KCNN2: variants seen among roughly 807,000 people sequenced by gnomAD.
KCNN2 encodes the protein small conductance calcium-activated potassium channel protein 2.
A neutral mutation model predicts 55.5 loss-of-function variants in KCNN2; 24 were observed. The observed-to-expected ratio is 0.43, with a 90% CI of 0.31 to 0.61. KCNN2 has a LOEUF of 0.61. Ranked by LOEUF, KCNN2 falls within the 20% of genes least tolerant of loss-of-function variation. The pLI, the probability that KCNN2 is intolerant of heterozygous loss-of-function variation, is 0.08. For missense variants in KCNN2, 754 were observed against 853.6 expected, an observed-to-expected ratio of 0.88 and a Z score of 1.45; for synonymous variants, 431 against 336.1, an observed-to-expected ratio of 1.28 and a Z score of -3.09.
intron 3 of KCNN2, among the ~76,000 whole-genome samples, chr5:114,405,749 C>T (rs1320575293): frequency 4.7e-5 from 7 of 150,170 alleles, no homozygotes; most frequent in South Asian, 4.2e-4. Context: ...CTCGCTCTGT[C>T]GCCCAGGCTA....
At chr5:114,119,435 G>T (rs1751782952) in intron 1 of KCNN2, among the ~76,000 whole-genome samples, 1 of 152,164 alleles carries the variant, frequency 6.6e-6, no homozygotes, top group South Asian at 2.1e-4. Flanking sequence ...TCAAATTAAA[G>T]AACATGAATT....
At chr5:114,410,243 C>T (rs2150074227) in intron 3 of KCNN2, among the ~76,000 whole-genome samples, 1 of 152,252 alleles carries the variant, frequency 6.6e-6, no homozygotes, top group Admixed American at 6.5e-5. Context: ...CTGACTTGTA[C>T]CTTTTGAGAC....
Position 114,372,614 on chromosome 5 carries a change from A to G in KCNN2, c.1218+8613A>G, listed in dbSNP as rs570418551. On this transcript the variant is annotated intron_variant, in intron 2 of 7. Transcript: ENST00000673685. ...TTCCCTTCAGATTATAAAATTAATA[A>G]CTATTCATGTTAGAAAATTTGTGAA... Among the ~76,000 whole-genome samples, 6 of 152,244 alleles carry G rather than the reference A, an allele frequency of 3.9e-5. No homozygotes were observed. The South Asian group carries it at 1.2e-3, about 32-fold the overall frequency.
chr5:114,352,714 G>T (rs189955544), intron 2 of KCNN2, among the ~76,000 whole-genome samples: 1 of 151,576 alleles, frequency 6.6e-6, no homozygotes, highest in South Asian at 2.1e-4. Flanking sequence ...TAATATTTAC[G>T]TATTTCTGAA....
intron 1 of KCNN2, among the ~76,000 whole-genome samples, chr5:114,077,946 T>G (rs1750718483): frequency 6.6e-6 from 1 of 152,140 alleles, no homozygotes; most frequent in Non-Finnish European, 1.5e-5. Context: ...TTGTCTTAGG[T>G]GTATTTTTGA....
At chr5:114,209,165 TC>T (rs1386823652) in intron 1 of KCNN2, among the ~76,000 whole-genome samples, 2 of 151,590 alleles carry the variant, frequency 1.3e-5, no homozygotes, top group Non-Finnish European at 2.9e-5. Flanking sequence ...CAAGGGATCC[TC>T]CCGCCTCAGC....
intron 2 of KCNN2, among the ~76,000 whole-genome samples, chr5:114,390,988 C>T (rs765143622): frequency 6.6e-5 from 10 of 152,074 alleles, no homozygotes; most frequent in Admixed American, 1.3e-4. Flanking sequence ...ATTTATTATA[C>T]GTAACCTTAA....
intron 2 of KCNN2, among the ~76,000 whole-genome samples, chr5:114,248,950 T>C (rs1561540119): frequency 6.6e-6 from 1 of 152,186 alleles, no homozygotes; most frequent in Non-Finnish European, 1.5e-5. Flanking sequence ...AATTATGCCA[T>C]GACAGCAGGT....
At chr5:114,229,671 A>C (rs1321074371) in intron 2 of KCNN2, among the ~76,000 whole-genome samples, 1 of 152,084 alleles carries the variant, frequency 6.6e-6, no homozygotes, top group Admixed American at 6.6e-5. Context: ...ACATATTAAA[A>C]TTTACGTACA....
intron 3 of KCNN2, among the ~76,000 whole-genome samples, chr5:114,432,935 C>T (rs1291955534): frequency 6.6e-6 from 1 of 152,214 alleles, no homozygotes; most frequent in African/African-American, 2.4e-5. Context: ...TGGCTGGGGA[C>T]CTGCAGCCCG....
chr5:114,145,385 C>T (rs1202880380), intron 1 of KCNN2, among the ~76,000 whole-genome samples: 1 of 152,130 alleles, frequency 6.6e-6, no homozygotes, highest in East Asian at 1.9e-4. Flanking sequence ...TGAGAGGACA[C>T]ACAGGTCCTA....
Position 114,449,902 on chromosome 5 carries a change from A to G in KCNN2, c.1638-13147A>G, listed in dbSNP as rs1403380487. Among the ~76,000 whole-genome samples, 109 of 80,516 alleles carry G rather than the reference A, an allele frequency of 1.4e-3. 1 individual carries two copies. Among genetic ancestry groups the G allele is most frequent in the African/African-American group, 3.8e-3 (98 of 26,060 alleles). 52.8% of individuals were successfully genotyped at this position (80,516 alleles called of 152,430 possible). On this transcript the variant is annotated intron_variant, in intron 3 of 7. Transcript: ENST00000673685. ...CATACACACACACACACACACACAC[A>G]CACACACGCGCGCGCTCGCGTGCGC...
At chr5:114,460,461 C>T (rs905700856) in intron 3 of KCNN2, among the ~76,000 whole-genome samples, 2 of 152,038 alleles carry the variant, frequency 1.3e-5, no homozygotes, top group Non-Finnish European at 2.9e-5. Flanking sequence ...CCAAGCTGGT[C>T]CCGAACTCCT....
intron 1 of KCNN2, among the ~76,000 whole-genome samples, chr5:114,080,170 G>A (rs1750778792): frequency 6.6e-6 from 1 of 152,154 alleles, no homozygotes. Context: ...CAGACTCTAA[G>A]CATGAATATT....
At chr5:114,274,485 A>C (rs57398177) in intron 2 of KCNN2, among the ~76,000 whole-genome samples, 2,278 of 152,108 alleles carry the variant, frequency 0.015, 72 homozygotes, top group African/African-American at 0.052. Context: ...ATGTTTTTCG[A>C]TTTGTTTGTG....
chr5:114,255,972 C>A (rs1484353190), intron 2 of KCNN2, among the ~76,000 whole-genome samples: 3 of 151,784 alleles, frequency 2.0e-5, no homozygotes, highest in Non-Finnish European at 4.4e-5. Flanking sequence ...TATATTGTAC[C>A]CTAATTTCTC....
chr5:114,068,922 T>A (rs1328031134), intron 1 of KCNN2, among the ~76,000 whole-genome samples: 1 of 152,156 alleles, frequency 6.6e-6, no homozygotes, highest in Non-Finnish European at 1.5e-5. Flanking sequence ...CAACCGATTC[T>A]CCTGCTTCAG....
At chr5:114,263,053 C>A (rs948496554) in intron 2 of KCNN2, among the ~76,000 whole-genome samples, 2 of 152,132 alleles carry the variant, frequency 1.3e-5, no homozygotes, top group African/African-American at 4.8e-5. Context: ...GGAATCAGGA[C>A]AACTGGATCG....
At chr5:114,136,580 A>G (rs2974468) in intron 1 of KCNN2, among the ~76,000 whole-genome samples, 21,463 of 152,252 alleles carry the variant, frequency 0.14, 2,078 homozygotes, top group African/African-American at 0.28. Flanking sequence ...ATCTATAAGA[A>G]ACTAATATTT....
Sources: gnomAD v4.1 joint callset for allele counts (sites outside exome capture counted in the v4.1 genomes callset) on GRCh38, gnomAD v4.1.1 for gene constraint, MANE v1.5 for transcripts, NCBI Gene and HGNC (gene_info 2026-07-23, HGNC 2026-07-21) for gene names.